The following DCLRE1C variants were observed in gnomAD, a reference collection of about 807,000 sequenced individuals.
DCLRE1C encodes DNA cross-link repair 1C, also known as protein artemis.
In DCLRE1C, 47 loss-of-function variants were observed where a neutral mutation model predicts 61.4. The observed-to-expected ratio is 0.77, with a 90% CI of 0.61 to 0.98. The LOEUF is 0.98. Ranked by LOEUF, DCLRE1C falls within the 50% of genes least tolerant of loss-of-function variation. DCLRE1C has a pLI of 0.00. For synonymous variants in DCLRE1C, 337 were observed against 287.6 expected, an observed-to-expected ratio of 1.17 and a Z score of -1.74; for missense variants, 858 against 816.0, an observed-to-expected ratio of 1.05 and a Z score of -0.63.
intron 4 of DCLRE1C, among the ~76,000 whole-genome samples, chr10:14,938,338 T>C (rs1840316630): frequency 6.8e-6 from 1 of 147,952 alleles, no homozygotes; most frequent in African/African-American, 2.6e-5. Context: ...TTTACAAAGG[T>C]TCACCTATTT....
chr10:14,949,504 T>G (rs997226480), intron 1 of DCLRE1C, among the ~76,000 whole-genome samples: 1 of 152,130 alleles, frequency 6.6e-6, no homozygotes, highest in African/African-American at 2.4e-5. Context: ...GGTCATGGAG[T>G]CTGCTGGGAA....
chr10:14,936,047 C>T (rs1302312731), intron 5 of DCLRE1C, among the ~76,000 whole-genome samples: 3 of 152,142 alleles, frequency 2.0e-5, no homozygotes, highest in Non-Finnish European at 4.4e-5. Context: ...GGGTGTGCCA[C>T]CACACCCGGC....
intron 9 of DCLRE1C, 65 bp downstream of exon 9, chr10:14,932,789 C>A (rs964564169): frequency 6.3e-7 from 1 of 1,578,336 alleles, no homozygotes; most frequent in African/African-American, 1.3e-5. Context: ...TAAATGGAAG[C>A]CCTGACCTTT....
intron 1 of DCLRE1C, among the ~76,000 whole-genome samples, chr10:14,950,271 C>G (rs1189971042): frequency 6.7e-6 from 1 of 148,832 alleles, no homozygotes; most frequent in Non-Finnish European, 1.5e-5. Context: ...ACCCCGAAGG[C>G]AGAGGTTGCG....
At chr10:14,928,317 C>T (rs1196753761) in intron 9 of DCLRE1C, among the ~76,000 whole-genome samples, 165 bp from the exon 10 acceptor site, 1 of 151,790 alleles carries the variant, frequency 6.6e-6, no homozygotes, top group Admixed American at 6.6e-5. Flanking sequence ...CAGATAATTC[C>T]AAATTGGGGA....
intron 10 of DCLRE1C, among the ~76,000 whole-genome samples, chr10:14,927,425 T>C (rs1838202296): frequency 6.6e-6 from 1 of 150,788 alleles, no homozygotes; most frequent in South Asian, 2.1e-4. Flanking sequence ...GGGAGGGACC[T>C]CTTGCAGATA....
In DCLRE1C at chr10:14,949,083, G is replaced by A. The variant is rs775593307; in HGVS notation, c.114C>T (p.His38=). 7 of 1,607,634 alleles carry A rather than the reference G, an allele frequency of 4.4e-6. No individual in the cohort carries two copies. In the African/African-American group the frequency reaches 6.7e-5, roughly 15 times the overall value. ...AYFLSHCHKD[H]MKGLRAPTLK... ...AGGTAGGGGCTCTTAATCCTTTCAT[G>A]TGATCTAAAAACAAAAGAACAAAAA... The change falls in exon 2 of 14, where the codon CAC becomes CAT. Residue 38 remains histidine (H), a synonymous_variant. Transcript: ENST00000378278.
At chr10:14,914,734 T>A (rs1353539151) in intron 13 of DCLRE1C, among the ~76,000 whole-genome samples, 1 of 151,906 alleles carries the variant, frequency 6.6e-6, no homozygotes, top group Non-Finnish European at 1.5e-5. Flanking sequence ...AGGTCAGGAG[T>A]TTGAGACCAG....
chr10:14,935,474 G>A lies in DCLRE1C; in HGVS notation c.453C>T (p.His151=). The A allele has an allele frequency of 1.7e-5, 27 of 1,613,996 alleles. No individual in the cohort carries two copies. The highest frequency in any genetic ancestry group is 2.3e-5 in the Non-Finnish European group (27 of 1,179,952). Reference sequence around the variant, plus strand: ...ACGAGGCCCAGTACCTGCCCCCGGAGTGCAGAAGCTCCATTCTAGCAGCTT... The same window carrying A: ...ACGAGGCCCAGTACCTGCCCCCGGAATGCAGAAGCTCCATTCTAGCAGCTT... The part of the protein sequence containing the change: ...QGEAARMELL[H]SGGRVKDIQS... Residue 151 remains histidine, a synonymous_variant, in exon 6 of 14, where the codon CAC becomes CAT. Coordinates refer to ENST00000378278, the MANE Select transcript of DCLRE1C (RefSeq NM_001033855.3).
intron 13 of DCLRE1C, among the ~76,000 whole-genome samples, chr10:14,915,431 A>C (rs1202022194): frequency 1.3e-5 from 2 of 152,074 alleles, no homozygotes; most frequent in Non-Finnish European, 2.9e-5. Context: ...GAGAAGACAC[A>C]AACTACTAAT....
rs1271487451 is a variant in DCLRE1C at position 14,934,788 on chromosome 10, A to C, written c.465-13T>G. 1.3e-6 allele frequency: 2 copies of C among 1,592,230 alleles called. No homozygotes were observed. The highest frequency in any genetic ancestry group is 2.7e-5 in the African/African-American group (2 of 74,430). ...GATGTCTTTGACTCTGAAAAGAAAAAAAATTGATGTTAGCCATCCAATGTG... is the reference window on the plus strand; with the variant it reads ...GATGTCTTTGACTCTGAAAAGAAAACAAATTGATGTTAGCCATCCAATGTG... On this transcript the variant is annotated splice_polypyrimidine_tract_variant and intron_variant, in intron 6 of 13. Transcript: ENST00000378278.
chr10:14,938,048 A>G (rs939362749), intron 4 of DCLRE1C, among the ~76,000 whole-genome samples: 3 of 152,102 alleles, frequency 2.0e-5, no homozygotes, highest in African/African-American at 7.2e-5. Context: ...ACACCAGGTC[A>G]CTGCTCAGTG....
At position 14,934,729 on chromosome 10, in the gene DCLRE1C, G is replaced by T. The variant is rs761987796; in HGVS notation, c.511C>A (p.Pro171Thr). 1.9e-6 allele frequency: 3 copies of T among 1,613,964 alleles called. No homozygotes were observed. The highest frequency in any genetic ancestry group is 2.2e-5 in the East Asian group (1 of 44,882). ...CGACTTGGAATTTGGTAAAATCTTG[G>T]ATCACAGAACGTAGTATCCAAATAT... ...SVYLDTTFCDPRFYQIPSREE... is the reference protein window; with the variant it reads ...SVYLDTTFCDTRFYQIPSREE... The change falls in exon 7 of 14, where the codon CCA (proline) becomes ACA (threonine). Residue 171 changes from proline to threonine, a missense_variant. This residue lies in a region of DCLRE1C where 843 missense variants were observed against 783.5 expected (regional missense o/e 1.08). Transcript: ENST00000378278.
exon 14 of DCLRE1C, chr10:14,897,386 C>A: frequency 6.2e-7 from 1 of 1,613,352 alleles, no homozygotes; most frequent in East Asian, 2.2e-5. Context: ...TCCTGATTGT[C>A]CCAATAGGAT....
intron 13 of DCLRE1C, among the ~76,000 whole-genome samples, chr10:14,914,590 C>A (rs551814396): frequency 6.6e-5 from 10 of 152,068 alleles, no homozygotes; most frequent in Non-Finnish European, 1.0e-4. Flanking sequence ...AAACATTTAC[C>A]AGGTTTAATG....
At chr10:14,921,435 C>T (rs370174538) in intron 12 of DCLRE1C, among the ~76,000 whole-genome samples, 2 of 152,290 alleles carry the variant, frequency 1.3e-5, no homozygotes, top group African/African-American at 2.4e-5. Context: ...AAGATCAAGC[C>T]TCCTGATTCT....
At chr10:14,909,718 C>A (rs919622426) in intron 13 of DCLRE1C, among the ~76,000 whole-genome samples, 3 of 152,072 alleles carry the variant, frequency 2.0e-5, no homozygotes, top group Non-Finnish European at 4.4e-5. Context: ...TCTGTTCAGC[C>A]AGGTTTGCAA....
At chr10:14,931,139 C>T (rs147490860) in intron 9 of DCLRE1C, among the ~76,000 whole-genome samples, 1 of 152,156 alleles carries the variant, frequency 6.6e-6, no homozygotes, top group African/African-American at 2.4e-5. Flanking sequence ...ATCACTCAAA[C>T]CACTACATTT....
intron 9 of DCLRE1C, among the ~76,000 whole-genome samples, chr10:14,931,520 T>C (rs977425256): frequency 1.3e-5 from 2 of 152,030 alleles, no homozygotes; most frequent in Non-Finnish European, 2.9e-5. Flanking sequence ...ATGGCACCAT[T>C]GCACTCCAGC....
Sources: allele counts gnomAD v4.1 joint callset (sites outside exome capture counted in the v4.1 genomes callset), GRCh38; gene constraint gnomAD v4.1.1; regional missense constraint gnomAD v4.1.1; transcripts MANE v1.5; gene names NCBI Gene and HGNC (gene_info 2026-07-23, HGNC 2026-07-21).